PPM1E: variants seen among roughly 807,000 people sequenced by gnomAD.
The protein encoded by PPM1E is protein phosphatase, Mg2+/Mn2+ dependent 1E, also known as protein phosphatase 1E.
Under a neutral mutation model 65.9 loss-of-function variants are expected in PPM1E, and 20 were observed. The observed-to-expected ratio is 0.30, with a 90% confidence interval of 0.21 to 0.44. PPM1E has a LOEUF of 0.44. PPM1E is among the 20% of genes least tolerant of loss of function. The pLI, the probability that PPM1E is intolerant of heterozygous loss-of-function variation, is 1.00. For missense variants in PPM1E, 713 were observed against 953.1 expected (o/e 0.75, Z 3.32); for synonymous variants, 352 against 374.9 (o/e 0.94, Z 0.70).
chr17:58,979,919 T>C, intron 6 of PPM1E, 55 bp from the exon 7 acceptor site: 2 of 1,420,698 alleles, frequency 1.4e-6, no homozygotes, highest in South Asian at 1.3e-5. Context: ...TAAACGTTCT[T>C]AGCATGCAAG....
Position 58,799,448 on chromosome 17 carries a change from C to CT in PPM1E, c.464+42999dup, listed in dbSNP as rs1315798340. Among the ~76,000 whole-genome samples the CT allele has an allele frequency of 9.1e-3, 1,275 of 140,436 alleles. 21 individuals carry two copies. The highest frequency in any genetic ancestry group is 0.03 in the African/African-American group (1,160 of 38,288). 92.1% of individuals were successfully genotyped at this position (140,436 alleles called of 152,430 possible). Reference sequence around the variant, plus strand: ...AGGCGTGTGCCACCACACTCAGTTACTTTTTTTTTTTTGAAATGGAGTCTT... The same window carrying CT: ...AGGCGTGTGCCACCACACTCAGTTACTTTTTTTTTTTTTGAAATGGAGTCTT... On this transcript the variant is annotated intron_variant, in intron 1 of 6. Coordinates refer to ENST00000308249, the MANE Select transcript of PPM1E (RefSeq NM_014906.5).
chr17:58,928,801 C>G (rs1003264226), intron 1 of PPM1E, among the ~76,000 whole-genome samples: 5 of 151,152 alleles, frequency 3.3e-5, no homozygotes, highest in African/African-American at 9.8e-5. Context: ...CTCCCGGGTT[C>G]AAGTGATTCT....
intron 1 of PPM1E, among the ~76,000 whole-genome samples, chr17:58,792,743 C>CTTTTT (rs780992600): frequency 0.017 from 1,298 of 76,346 alleles, 235 homozygotes; most frequent in African/African-American, 0.026. Context: ...GAATTTTACT[C>CTTTTT]TTTTTTTTTT....
intron 1 of PPM1E, among the ~76,000 whole-genome samples, chr17:58,920,410 A>C (rs2051737159): frequency 6.6e-6 from 1 of 152,078 alleles, no homozygotes; most frequent in Non-Finnish European, 1.5e-5. Context: ...CTAATAACTA[A>C]ACCTTCATTT....
At chr17:58,972,684 A>G in intron 5 of PPM1E, 148 bp from the exon 6 acceptor site, 1 of 693,856 alleles carries the variant, frequency 1.4e-6, no homozygotes, top group South Asian at 1.8e-5. Context: ...TATTGCTATC[A>G]CATCAGCAAC....
intron 3 of PPM1E, 68 bp downstream of exon 3, chr17:58,965,961 G>A (rs768473262): frequency 6.8e-7 from 1 of 1,472,410 alleles, no homozygotes; most frequent in Non-Finnish European, 9.4e-7. Flanking sequence ...GGTCCTGTTA[G>A]AAAAGGAAAA....
intron 1 of PPM1E, among the ~76,000 whole-genome samples, chr17:58,862,828 C>G (rs1437791736): frequency 6.6e-6 from 1 of 152,088 alleles, no homozygotes; most frequent in Non-Finnish European, 1.5e-5. Flanking sequence ...AAGTATGGGT[C>G]GATCATTTGG....
chr17:58,863,463 C>T (rs921006635), intron 1 of PPM1E, among the ~76,000 whole-genome samples: 3 of 152,226 alleles, frequency 2.0e-5, no homozygotes, highest in African/African-American at 7.2e-5. Flanking sequence ...GCTCTTTTAG[C>T]TCTGCCATCT....
chr17:58,905,473 T>A (rs1168142564), intron 1 of PPM1E, among the ~76,000 whole-genome samples: 1 of 152,116 alleles, frequency 6.6e-6, no homozygotes, highest in East Asian at 1.9e-4. Flanking sequence ...TCATGTAATT[T>A]TTCTTTTTTA....
At position 58,894,936 on chromosome 17, in the gene PPM1E, A is replaced by G. The variant is rs532366926; in HGVS notation, c.465-60713A>G. On this transcript the variant is annotated intron_variant, in intron 1 of 6. Coordinates refer to ENST00000308249, the MANE Select transcript of PPM1E (RefSeq NM_014906.5). Reference sequence around the variant, plus strand: ...TGCTTTGCTTTATTGCTCTTCACAGATGCTACATTTTTTCACAGATTCAAG... The same window carrying G: ...TGCTTTGCTTTATTGCTCTTCACAGGTGCTACATTTTTTCACAGATTCAAG... Among the ~76,000 whole-genome samples, 5 of 152,288 alleles carry G rather than the reference A, an allele frequency of 3.3e-5. No homozygotes were observed. The South Asian group carries it at 1.0e-3, about 32-fold the overall frequency.
chr17:58,790,715 C>A (rs1229423859), intron 1 of PPM1E, among the ~76,000 whole-genome samples: 5 of 152,060 alleles, frequency 3.3e-5, no homozygotes, highest in Admixed American at 2.6e-4. Flanking sequence ...TCAATAGCCC[C>A]AGCTGAACTT....
At chr17:58,930,235 T>C (rs925764940) in intron 1 of PPM1E, among the ~76,000 whole-genome samples, 2 of 143,086 alleles carry the variant, frequency 1.4e-5, no homozygotes, top group African/African-American at 5.2e-5. Context: ...ACCTCTACAA[T>C]AAATTAAATG....
chr17:58,812,349 A>C (rs1030409778), intron 1 of PPM1E, among the ~76,000 whole-genome samples: 12 of 149,804 alleles, frequency 8.0e-5, no homozygotes, highest in Admixed American at 3.3e-4. Flanking sequence ...GTTCTAATAT[A>C]GTCTGTTCAA....
intron 1 of PPM1E, among the ~76,000 whole-genome samples, chr17:58,860,326 T>C (rs540404257): frequency 2.0e-5 from 3 of 152,330 alleles, no homozygotes; most frequent in Non-Finnish European, 2.9e-5. Context: ...TATAGTCCAT[T>C]TGGAGCTAGC....
At position 58,897,293 on chromosome 17, in the gene PPM1E, A is replaced by G. The variant is rs373127643; in HGVS notation, c.465-58356A>G. 4.6e-5 allele frequency among the ~76,000 whole-genome samples: 7 copies of G among 152,138 alleles called. No individual in the cohort carries two copies. The East Asian group carries it at 1.4e-3, about 30-fold the overall frequency. On this transcript the variant is annotated intron_variant, in intron 1 of 6. Coordinates refer to ENST00000308249, the MANE Select transcript of PPM1E (RefSeq NM_014906.5). ...GCCGGGCATGGTGGTGGGCGCCTGTAGTCCCAGCTACTTGGGAGGCTGAGG... is the reference window on the plus strand; with the variant it reads ...GCCGGGCATGGTGGTGGGCGCCTGTGGTCCCAGCTACTTGGGAGGCTGAGG...
chr17:58,948,426 C>T (rs2052192256), intron 1 of PPM1E, among the ~76,000 whole-genome samples: 1 of 151,978 alleles, frequency 6.6e-6, no homozygotes, highest in Admixed American at 6.6e-5. Flanking sequence ...AGGCCAAGAC[C>T]ATGGCAGATA....
intron 1 of PPM1E, among the ~76,000 whole-genome samples, chr17:58,808,833 G>A (rs775052049): frequency 6.6e-6 from 1 of 151,830 alleles, no homozygotes; most frequent in East Asian, 1.9e-4. Context: ...TCCCTAGCCC[G>A]AGGAAACCAC....
chr17:58,762,805 G>A (rs2049835065), intron 1 of PPM1E, among the ~76,000 whole-genome samples: 1 of 151,248 alleles, frequency 6.6e-6, no homozygotes, highest in Non-Finnish European at 1.5e-5. Context: ...GGCTGAGGCA[G>A]GAGAATGGCG....
At chr17:58,852,729 G>A (rs546248093) in intron 1 of PPM1E, among the ~76,000 whole-genome samples, 13 of 151,306 alleles carry the variant, frequency 8.6e-5, no homozygotes, top group South Asian at 4.2e-4. Context: ...TCGGCCTCCC[G>A]AGTAGCTGGG....
Sources: allele counts gnomAD v4.1 joint callset (sites outside exome capture counted in the v4.1 genomes callset), GRCh38; gene constraint gnomAD v4.1.1; transcripts MANE v1.5; gene names NCBI Gene and HGNC (gene_info 2026-07-23, HGNC 2026-07-21).